REPIN1: variants seen among roughly 807,000 people sequenced by gnomAD.
REPIN1 encodes the protein DNA-binding protein REPIN1.
A neutral mutation model predicts 5.7 loss-of-function variants in REPIN1; 4 were observed. The observed-to-expected ratio is 0.71, with a 90% CI of 0.35 to 1.62. The LOEUF is 1.62. Ranked by LOEUF, REPIN1 falls within the 40% of genes most tolerant of loss-of-function variation. The pLI, the probability that REPIN1 is intolerant of heterozygous loss-of-function variation, is 0.05. For missense variants in REPIN1, 854 were observed against 901.0 expected, an observed-to-expected ratio of 0.95 and a Z score of 0.67; for synonymous variants, 410 against 386.2, an observed-to-expected ratio of 1.06 and a Z score of -0.72.
chr7:150,371,733 G>A lies in REPIN1; in HGVS notation c.663G>A (p.Leu221=), dbSNP rs1799785279. ...FWRRKQLRAH[L]RRCHPPAPEA... ...GACGAAAGCAGCTTCGAGCTCATCT[G>A]CGGCGGTGCCACCCTCCCGCCCCGG... The change falls in exon 3 of 3, where the codon CTG becomes CTA. Residue 221 remains leucine, a synonymous_variant. Coordinates refer to ENST00000489432, the MANE Select transcript of REPIN1 (RefSeq NM_001099695.2). 1 of 1,609,410 alleles carries A rather than the reference G, an allele frequency of 6.2e-7. No individual in the cohort carries two copies. Among genetic ancestry groups the A allele is most frequent in the Non-Finnish European group, 8.5e-7 (1 of 1,179,866 alleles).
chr7:150,371,379 C>T lies in REPIN1; in HGVS notation c.309C>T (p.Ala103=). The part of the protein sequence containing the change: ...RGLRQQGTSV[A]QSGAQAPGRA... Reference sequence around the variant, plus strand: ...TGAGGCAACAAGGCACGTCAGTGGCCCAGTCTGGTGCCCAAGCCCCAGGCA... The same window carrying T: ...TGAGGCAACAAGGCACGTCAGTGGCTCAGTCTGGTGCCCAAGCCCCAGGCA... Residue 103 remains alanine, a synonymous_variant, in exon 3 of 3, where the codon GCC becomes GCT. Coordinates refer to ENST00000489432, the MANE Select transcript of REPIN1 (RefSeq NM_001099695.2). 2 of 1,594,354 alleles carry T rather than the reference C, an allele frequency of 1.3e-6. No individual in the cohort carries two copies. The highest frequency in any genetic ancestry group is 1.7e-6 in the Non-Finnish European group (2 of 1,171,742).
chr7:150,372,369 C>T lies in REPIN1; in HGVS notation c.1299C>T (p.Ser433=). 1 of 1,492,938 alleles carries T rather than the reference C, an allele frequency of 6.7e-7. No individual in the cohort carries two copies. Among genetic ancestry groups the T allele is most frequent in the Non-Finnish European group, 8.9e-7 (1 of 1,128,884 alleles). The allele number at this position is 1,492,938 out of a possible 1,614,324, so 92.5% of individuals were successfully genotyped here. A position where few individuals can be genotyped will look rare whatever the true frequency, so the allele number is the denominator to read the frequency against. ...TCGAAGCCCCCCCCTCCCTCTACAG[C>T]TGCGACGACTGCGGCAGGAGCTTCC... The part of the protein sequence containing the change: ...DPIEAPPSLY[S]CDDCGRSFRL... The change falls in exon 3 of 3, where the codon AGC becomes AGT. Residue 433 remains serine (S), a synonymous_variant. Transcript: ENST00000489432.
Position 150,372,567 on chromosome 7 carries a change from G to A in REPIN1, c.1497G>A (p.Gln499=), listed in dbSNP as rs1456334090. ...AGGAGTGCGGCCGCCGCTTCTCCCAGGGCAGCCATCTGGCGGCGCATCGGC... is the reference window on the plus strand; with the variant it reads ...AGGAGTGCGGCCGCCGCTTCTCCCAAGGCAGCCATCTGGCGGCGCATCGGC... The part of the protein sequence containing the change: ...ACEECGRRFS[Q]GSHLAAHRRD... The change falls in exon 3 of 3, where the codon CAG becomes CAA. Residue 499 remains glutamine (Q), a synonymous_variant. Coordinates refer to ENST00000489432, the MANE Select transcript of REPIN1 (RefSeq NM_001099695.2). 6.3e-7 allele frequency: 1 copy of A among 1,598,792 alleles called. No homozygotes were observed. The highest frequency in any genetic ancestry group is 1.7e-5 in the Admixed American group (1 of 59,258).
At position 150,372,506 on chromosome 7, in the gene REPIN1, C is replaced by A; in HGVS notation, c.1436C>A (p.Ser479Ter). Residue 479 changes from serine to a stop codon, truncating the protein, a stop_gained, in exon 3 of 3, where the codon TCG (serine) becomes TAG (stop). Coordinates refer to ENST00000489432, the MANE Select transcript of REPIN1 (RefSeq NM_001099695.2). LOFTEE classifies it low-confidence loss of function (END_TRUNC). ...FGKKTHLVAH[S>*]RVHSGERPFA... Reference sequence around the variant, plus strand: ...AAGAAGACGCACCTGGTGGCGCACTCGCGCGTGCACTCCGGCGAGCGGCCC... The same window carrying A: ...AAGAAGACGCACCTGGTGGCGCACTAGCGCGTGCACTCCGGCGAGCGGCCC... 1 of 1,545,540 alleles carries A rather than the reference C, an allele frequency of 6.5e-7. No homozygotes were observed. The highest frequency in any genetic ancestry group is 8.7e-7 in the Non-Finnish European group (1 of 1,152,190).
At chr7:150,369,608 A>C in intron 1 of REPIN1, 63 bp from the exon 2 acceptor site, 1 of 1,477,188 alleles carries the variant, frequency 6.8e-7, no homozygotes, top group Non-Finnish European at 9.2e-7. Flanking sequence ...TGGTGAGGAC[A>C]CAAAGCTGAC....
At position 150,372,041 on chromosome 7, in the gene REPIN1, C is replaced by A. The variant is rs766431446; in HGVS notation, c.971C>A (p.Pro324His). ...ACGGGCGAGCGGCCCCACCAGTGCC[C>A]CGAGTGCGGGAAGCGCTTTACCAAT... ...VHTGERPHQC[P>H]ECGKRFTNKP... is the part of the protein sequence containing the mutation. The change falls in exon 3 of 3, where the codon CCC (proline) becomes CAC (histidine). Residue 324 changes from proline (P) to histidine (H), a missense_variant. This residue lies in a region of REPIN1 where 327 missense variants were observed against 307.8 expected (regional missense o/e 1.06). Coordinates refer to ENST00000489432, the MANE Select transcript of REPIN1 (RefSeq NM_001099695.2). The A allele has an allele frequency of 6.2e-7, 1 of 1,612,170 alleles. No individual in the cohort carries two copies. The highest frequency in any genetic ancestry group is 8.5e-7 in the Non-Finnish European group (1 of 1,179,664).
chr7:150,373,072 A>C lies in REPIN1; in HGVS notation c.*127A>C, dbSNP rs1417727264. 3.0e-6 allele frequency: 4 copies of C among 1,349,012 alleles called. No homozygotes were observed. The highest frequency in any genetic ancestry group is 4.0e-6 in the Non-Finnish European group (4 of 998,778). 83.6% of individuals were successfully genotyped at this position (1,349,012 alleles called of 1,614,324 possible). A position where few individuals can be genotyped will look rare whatever the true frequency, so the allele number is the denominator to read the frequency against. ...ATGGGAATCCTAGAGGGGATGGAAG[A>C]CGCGGGGAGTGAGCTGGGTGGGCCC... On this transcript the variant is annotated 3_prime_UTR_variant, in exon 3 of 3. Coordinates refer to ENST00000489432, the MANE Select transcript of REPIN1 (RefSeq NM_001099695.2).
In REPIN1 at chr7:150,372,419, A is replaced by G. The variant is rs1415469333; in HGVS notation, c.1349A>G (p.His450Arg). 1 of 1,496,160 alleles carries G rather than the reference A, an allele frequency of 6.7e-7. No individual in the cohort carries two copies. The highest frequency in any genetic ancestry group is 8.8e-7 in the Non-Finnish European group (1 of 1,130,790). 92.7% of individuals were successfully genotyped at this position (1,496,160 alleles called of 1,614,324 possible). Residue 450 changes from histidine to arginine, a missense_variant, in exon 3 of 3, where the codon CAC becomes CGC. By Grantham distance (29) the His-to-Arg change is conservative (BLOSUM62 0). Transcript: ENST00000489432. ...CGGCTGGAGCGCTTCCTGCGGGCCC[A>G]CCAGCGGCAGCACACCGGGGAGCGG... The part of the protein sequence containing the change: ...SFRLERFLRA[H>R]QRQHTGERPF...
Position 150,371,904 on chromosome 7 carries a change from G to A in REPIN1, c.834G>A (p.Ala278=), listed in dbSNP as rs773790490. The change falls in exon 3 of 3, where the codon GCG becomes GCA. Residue 278 remains alanine (A), a synonymous_variant. Coordinates refer to ENST00000489432, the MANE Select transcript of REPIN1 (RefSeq NM_001099695.2). ...ALGPRPRGRP[A]VTAPRPGGDA... ...GGCCCCGGCCCAGGGGCCGCCCCGC[G>A]GTGACCGCCCCCCGGCCCGGTGGAG... The A allele has an allele frequency of 1.4e-5, 23 of 1,607,524 alleles. No homozygotes were observed. The highest frequency in any genetic ancestry group is 1.9e-5 in the Non-Finnish European group (22 of 1,178,296).
At position 150,371,439 on chromosome 7, in the gene REPIN1, C is replaced by T. The variant is rs971040533; in HGVS notation, c.369C>T (p.Phe123=). ...AHRCAHCRRH[F]PGWVALWLHT... is the part of the protein sequence containing the mutation. ...GCTGTGCCCACTGTCGAAGGCACTT[C>T]CCTGGCTGGGTGGCTCTGTGGCTTC... Residue 123 remains phenylalanine (F), a synonymous_variant, in exon 3 of 3, where the codon TTC becomes TTT. Coordinates refer to ENST00000489432, the MANE Select transcript of REPIN1 (RefSeq NM_001099695.2). The T allele has an allele frequency of 3.7e-6, 6 of 1,604,900 alleles. No homozygotes were observed. Among genetic ancestry groups the T allele is most frequent in the Non-Finnish European group, 4.2e-6 (5 of 1,177,812 alleles).
chr7:150,372,347 A>G lies in REPIN1; in HGVS notation c.1277A>G (p.Glu426Gly). 6.6e-7 allele frequency: 1 copy of G among 1,513,850 alleles called. No individual in the cohort carries two copies. The highest frequency in any genetic ancestry group is 8.8e-7 in the Non-Finnish European group (1 of 1,138,158). 93.8% of individuals were successfully genotyped at this position (1,513,850 alleles called of 1,614,324 possible). The change falls in exon 3 of 3, where the codon GAA (glutamate) becomes GGA (glycine). Residue 426 changes from glutamate (E) to glycine (G), a missense_variant. Physicochemically the swap from Glu to Gly is moderately conservative, Grantham distance 98 (BLOSUM62 -2). Around this residue, in one of 5 missense-constraint regions of REPIN1, gnomAD observed 327 missense variants for 307.8 expected, o/e 1.06. Coordinates refer to ENST00000489432, the MANE Select transcript of REPIN1 (RefSeq NM_001099695.2). ...CCAGAGCACCCGCAGGACCCGATCGAAGCCCCCCCCTCCCTCTACAGCTGC... is the reference window on the plus strand; with the variant it reads ...CCAGAGCACCCGCAGGACCCGATCGGAGCCCCCCCCTCCCTCTACAGCTGC... ...APPEHPQDPI[E>G]APPSLYSCDD...
rs1799122236 is a variant in REPIN1, at chr7:150,368,864, G to A, written c.-119G>A. 2.9e-6 allele frequency: 1 copy of A among 340,202 alleles called. No individual in the cohort carries two copies. Among genetic ancestry groups the A allele is most frequent in the Non-Finnish European group, 5.3e-6 (1 of 190,188 alleles). 21.1% of individuals were successfully genotyped at this position (340,202 alleles called of 1,614,324 possible). On this transcript the variant is annotated 5_prime_UTR_variant, in exon 1 of 3. Coordinates refer to ENST00000489432, the MANE Select transcript of REPIN1 (RefSeq NM_001099695.2). Reference sequence around the variant, plus strand: ...TGCCGCTGTCGCCGCGGCGGGGCGGGGAGCGAGAGTGGGCCGCGGAGGCCG... The same window carrying A: ...TGCCGCTGTCGCCGCGGCGGGGCGGAGAGCGAGAGTGGGCCGCGGAGGCCG...
rs140798288 is a variant in REPIN1, at chr7:150,370,008, C to A, written c.157+140C>A. ...ACAGTCTGACACTGGGAATGAGTGA[C>A]CTTTGTGTTCCCTGAGAAGAGAGAG... On this transcript the variant is annotated intron_variant, in intron 2 of 2. Transcript: ENST00000489432. 4.9e-4 allele frequency: 491 copies of A among 992,406 alleles called. 3 individuals carry two copies. In the East Asian group the frequency reaches 0.012, roughly 25 times the overall value. The allele number at this position is 992,406 out of a possible 1,614,324, so 61.5% of individuals were successfully genotyped here.
chr7:150,372,594 C>G lies in REPIN1; in HGVS notation c.1524C>G (p.Arg508=). 6.2e-7 allele frequency: 1 copy of G among 1,605,410 alleles called. No individual in the cohort carries two copies. The highest frequency in any genetic ancestry group is 8.5e-7 in the Non-Finnish European group (1 of 1,177,980). The change falls in exon 3 of 3, where the codon CGC becomes CGG. Residue 508 remains arginine (R), a synonymous_variant. Transcript: ENST00000489432. ...SQGSHLAAHR[R]DHAPDRPFVC... ...GCAGCCATCTGGCGGCGCATCGGCG[C>G]GACCACGCCCCCGATCGGCCCTTCG...
Position 150,371,769 on chromosome 7 carries a change from C to G in REPIN1, c.699C>G (p.Pro233=). 6.2e-7 allele frequency: 1 copy of G among 1,611,656 alleles called. No homozygotes were observed. Among genetic ancestry groups the G allele is most frequent in the Non-Finnish European group, 8.5e-7 (1 of 1,179,782 alleles). ...ACCCTCCCGCCCCGGAGGCCCGGCC[C>G]TTCATATGCGGCAACTGTGGCCGGA... ...RCHPPAPEAR[P]FICGNCGRSF... The change falls in exon 3 of 3, where the codon CCC becomes CCG. Residue 233 remains proline (P), a synonymous_variant. Transcript: ENST00000489432.
rs948176490 is a variant in REPIN1 at position 150,372,892 on chromosome 7, A to C, written c.1822A>C (p.Thr608Pro). Residue 608 changes from threonine to proline, a missense_variant, in exon 3 of 3, where the codon ACC (threonine) becomes CCC (proline). Thr to Pro is a conservative substitution (Grantham distance 38). Transcript: ENST00000489432. ...GAFCCAICGQ[T>P]FDDEERLLAH... ...CTTCTGCTGTGCCATCTGTGGCCAG[A>C]CCTTCGACGACGAGGAGAGACTCCT... 3 of 1,613,290 alleles carry C rather than the reference A, an allele frequency of 1.9e-6. No individual in the cohort carries two copies. The African/African-American group carries it at 4.0e-5, about 22-fold the overall frequency.
Position 150,371,937 on chromosome 7 carries a change from C to G in REPIN1, c.867C>G (p.Val289=). The G allele has an allele frequency of 1.4e-5, 22 of 1,608,266 alleles. No individual in the cohort carries two copies. The highest frequency in any genetic ancestry group is 1.7e-5 in the Non-Finnish European group (20 of 1,179,222). The change falls in exon 3 of 3, where the codon GTC becomes GTG. Residue 289 remains valine, a synonymous_variant. Transcript: ENST00000489432. The part of the protein sequence containing the change: ...VTAPRPGGDA[V]DRPFQCACCG... ...CCCCCCGGCCCGGTGGAGATGCCGTCGACCGCCCCTTCCAGTGTGCCTGTT... is the reference window on the plus strand; with the variant it reads ...CCCCCCGGCCCGGTGGAGATGCCGTGGACCGCCCCTTCCAGTGTGCCTGTT...
rs1800085805 is a variant in REPIN1 at position 150,373,300 on chromosome 7, C to A, written c.*355C>A. The A allele has an allele frequency of 3.2e-6, 1 of 315,314 alleles. No individual in the cohort carries two copies. Among genetic ancestry groups the A allele is most frequent in the African/African-American group, 2.1e-5 (1 of 46,828 alleles). 19.5% of individuals were successfully genotyped at this position (315,314 alleles called of 1,614,324 possible). A position where few individuals can be genotyped will look rare whatever the true frequency, so the allele number is the denominator to read the frequency against. The stretch of plus-strand genomic sequence containing the variant: ...ACCCTCCATCCTCTGGTATTAACGC[C>A]TTAATGCCCCTGTCTTTTACTGTAA... On this transcript the variant is annotated 3_prime_UTR_variant, in exon 3 of 3. Coordinates refer to ENST00000489432, the MANE Select transcript of REPIN1 (RefSeq NM_001099695.2).
At position 150,372,203 on chromosome 7, in the gene REPIN1, C is replaced by T; in HGVS notation, c.1133C>T (p.Ala378Val). ...ATTCACAAGCGATCCGAGGGGTCGG[C>T]CCAGGCCGCCCCCGGCCCGGGGAGC... ...SKIHKRSEGS[A>V]QAAPGPGSPQ... Residue 378 changes from alanine to valine, a missense_variant, in exon 3 of 3, where the codon GCC becomes GTC. Ala to Val is a moderately conservative substitution (Grantham distance 64, BLOSUM62 0). Around this residue, in one of 5 missense-constraint regions of REPIN1, gnomAD observed 327 missense variants for 307.8 expected, o/e 1.06. Transcript: ENST00000489432. The T allele has an allele frequency of 1.3e-6, 2 of 1,592,794 alleles. No individual in the cohort carries two copies. The highest frequency in any genetic ancestry group is 1.7e-6 in the Non-Finnish European group (2 of 1,173,062).
Sources: gnomAD v4.1 joint callset for allele counts on GRCh38, gnomAD v4.1.1 for gene constraint, gnomAD v4.1.1 regional missense constraint, MANE v1.5 for transcripts, NCBI Gene and HGNC (gene_info 2026-07-23, HGNC 2026-07-21) for gene names.